The following TMEM276 variants were observed in gnomAD, a reference collection of about 807,000 sequenced individuals.
TMEM276 encodes the protein transmembrane protein 276.
the TMEM276 span, chr8:144,464,072 G>C: frequency 1.3e-6 from 2 of 1,562,856 alleles, no homozygotes; most frequent in South Asian, 2.4e-5. Context: ...GGAGCAGGCA[G>C]GTGGGAGGGA....
chr8:144,466,430 T>C, the TMEM276 span: 1 of 1,333,968 alleles, frequency 7.5e-7, no homozygotes, highest in Non-Finnish European at 9.8e-7. Context: ...ATGTACGCCT[T>C]TTACTCGTTG....
At chr8:144,464,017 C>T in the TMEM276 span, 10 of 1,523,528 alleles carry the variant, frequency 6.6e-6, no homozygotes, top group Admixed American at 1.5e-4. Flanking sequence ...TGCAGCAAAC[C>T]CACTTCAGTA....
chr8:144,466,680 C>T, the TMEM276 span: 110 of 1,255,780 alleles, frequency 8.8e-5, no homozygotes, highest in Non-Finnish European at 1.0e-4. Context: ...CGGCCCCAAT[C>T]CTCCGGCCCG....
the TMEM276 span, chr8:144,464,310 G>T: frequency 6.2e-7 from 1 of 1,613,128 alleles, no homozygotes; most frequent in African/African-American, 1.3e-5. Context: ...TGGCCGTGAA[G>T]ACAGCTACAA....
the TMEM276 span, chr8:144,464,541 C>T: frequency 6.2e-7 from 1 of 1,612,128 alleles, no homozygotes; most frequent in Non-Finnish European, 8.5e-7. Context: ...CGTGTGTGCT[C>T]AGCCCTGGGG....
chr8:144,466,988 G>A, the TMEM276 span: 5 of 1,596,918 alleles, frequency 3.1e-6, no homozygotes, highest in Non-Finnish European at 4.2e-6. Context: ...TGGGTCGGAA[G>A]GCGCAGCCGA....
the TMEM276 span, chr8:144,465,076 C>A: frequency 1.3e-6 from 2 of 1,528,484 alleles, no homozygotes; most frequent in Non-Finnish European, 1.8e-6. Context: ...CTTTCCGGAT[C>A]CCTGAGGCCA....
chr8:144,464,866 G>C, the TMEM276 span: 1 of 1,612,772 alleles, frequency 6.2e-7, no homozygotes, highest in Non-Finnish European at 8.5e-7. Flanking sequence ...GATGGGACAG[G>C]GCTGTGCTCC....
the TMEM276 span, chr8:144,467,011 C>A: frequency 4.4e-6 from 7 of 1,596,290 alleles, no homozygotes; most frequent in African/African-American, 1.3e-5. Context: ...GCCGCGCGGC[C>A]GCGGTGTCCC....
At chr8:144,466,704 A>G in the TMEM276 span, 1 of 1,368,774 alleles carries the variant, frequency 7.3e-7, no homozygotes, top group Non-Finnish European at 9.7e-7. Context: ...CGCGGAGGGA[A>G]GGGGCCAGCA....
the TMEM276 span, chr8:144,464,302 G>C: frequency 1.9e-6 from 3 of 1,613,206 alleles, no homozygotes; most frequent in South Asian, 1.1e-5. Context: ...ATAAGTGTTG[G>C]CCGTGAAGAC....
At chr8:144,464,502 G>C in the TMEM276 span, 6 of 1,612,344 alleles carry the variant, frequency 3.7e-6, no homozygotes, top group Non-Finnish European at 5.1e-6. Context: ...CGATGACGGT[G>C]GCCACCCAGG....
At chr8:144,465,114 C>A in the TMEM276 span, 2 of 1,479,292 alleles carry the variant, frequency 1.4e-6, no homozygotes, top group Non-Finnish European at 1.8e-6. Flanking sequence ...GAAGAAGAAC[C>A]TAATTCAGCC....
chr8:144,466,364 TG>T, the TMEM276 span: 4 of 728,548 alleles, frequency 5.5e-6, no homozygotes, highest in East Asian at 5.5e-5. Context: ...GCGCCGAGTC[TG>T]GGCGCGGGGA....
At chr8:144,466,419 C>T in the TMEM276 span, 1,361 of 1,322,016 alleles carry the variant, frequency 1.0e-3, 7 homozygotes, top group African/African-American at 0.019. Flanking sequence ...CCCGCGCTCC[C>T]ATGTACGCCT....
At chr8:144,465,301 TC>T in the TMEM276 span, 1 of 1,117,816 alleles carries the variant, frequency 8.9e-7, no homozygotes, top group Non-Finnish European at 1.1e-6. Context: ...GGAACCCGGG[TC>T]CAGGAGGAGC....
At chr8:144,464,835 G>A in the TMEM276 span, 1 of 1,612,822 alleles carries the variant, frequency 6.2e-7, no homozygotes, top group Non-Finnish European at 8.5e-7. Context: ...GCTGCGTGCA[G>A]AGACACCACT....
the TMEM276 span, chr8:144,466,848 G>C: frequency 9.1e-6 from 14 of 1,536,948 alleles, no homozygotes; most frequent in Middle Eastern, 2.0e-4. Context: ...GGTAGGTGCG[G>C]GCTGGGAGTC....
At chr8:144,464,577 C>T in the TMEM276 span, 4 of 1,610,510 alleles carry the variant, frequency 2.5e-6, no homozygotes, top group South Asian at 3.3e-5. Flanking sequence ...CAGCCAAGAC[C>T]TGGAGCAGGA....
Sources: gnomAD v4.1 joint callset for allele counts on GRCh38, gnomAD v4.1.1 for gene constraint, MANE v1.5 for transcripts, NCBI Gene and HGNC (gene_info 2026-07-23, HGNC 2026-07-21) for gene names.